NAA11: variants seen among roughly 807,000 people sequenced by gnomAD.
NAA11 encodes the protein N-alpha-acetyltransferase 11.
In NAA11, 15 loss-of-function variants were observed where a neutral mutation model predicts 16.1. The ratio of observed to expected loss-of-function variants is 0.93; its 90% CI spans 0.62 to 1.44. The LOEUF is 1.44. Among genes scored for constraint, NAA11 ranks in the 40% most tolerant of loss-of-function variants. The pLI is 0.00. For synonymous variants in NAA11, 122 were observed against 112.4 expected, an observed-to-expected ratio of 1.09 and a Z score of -0.54; for missense variants, 298 against 291.3, an observed-to-expected ratio of 1.02 and a Z score of -0.17.
At chr4:79,282,407 T>C (rs1361692099) in intron 2 of NAA11, among the ~76,000 whole-genome samples, 2 of 152,044 alleles carry the variant, frequency 1.3e-5, no homozygotes, top group Non-Finnish European at 2.9e-5. Flanking sequence ...AGCCAAGCAC[T>C]ATATTAGGAG....
At chr4:79,311,861 A>G (rs1427768846), downstream of NAA11, among the ~76,000 whole-genome samples, 2 of 152,254 alleles carry the variant, frequency 1.3e-5, no homozygotes, top group Non-Finnish European at 2.9e-5. Context: ...TGAAAAATAT[A>G]TATTAGATTA....
the NAA11 span, among the ~76,000 whole-genome samples, chr4:79,157,561 ATATG>A: frequency 1.2e-4 from 18 of 151,844 alleles, no homozygotes; most frequent in Non-Finnish European, 1.8e-4. Flanking sequence ...ACACATATGT[ATATG>A]TATGTATATA....
At chr4:79,177,883 C>T in the NAA11 span, among the ~76,000 whole-genome samples, 1 of 151,954 alleles carries the variant, frequency 6.6e-6, no homozygotes, top group Non-Finnish European at 1.5e-5. Flanking sequence ...TGCTAATAAC[C>T]AGATAAAAAC....
the NAA11 span, among the ~76,000 whole-genome samples, chr4:79,174,139 G>T: frequency 1.3e-5 from 2 of 152,154 alleles, no homozygotes; most frequent in Non-Finnish European, 2.9e-5. Context: ...GAATAAATTT[G>T]TGGGAACCTC....
At chr4:79,173,328 G>A in the NAA11 span, among the ~76,000 whole-genome samples, 1 of 151,986 alleles carries the variant, frequency 6.6e-6, no homozygotes, top group African/African-American at 2.4e-5. Context: ...TAATAAAAGT[G>A]TTACATGGTG....
chr4:79,189,454 T>G, the NAA11 span, among the ~76,000 whole-genome samples: 1 of 152,158 alleles, frequency 6.6e-6, no homozygotes, highest in South Asian at 2.1e-4. Context: ...GGCTGGAACG[T>G]AAGGAGAAAG....
the NAA11 span, among the ~76,000 whole-genome samples, chr4:79,175,577 G>A: frequency 1.3e-5 from 2 of 151,842 alleles, no homozygotes; most frequent in Admixed American, 6.6e-5. Context: ...TGGTATAACA[G>A]GCTGTTCCTA....
In NAA11 at chr4:79,325,440, A is replaced by G; in HGVS notation, c.438T>C (p.Ala146=). 1 of 1,614,196 alleles carries G rather than the reference A, an allele frequency of 6.2e-7. No individual in the cohort carries two copies. Among genetic ancestry groups the G allele is most frequent in the Admixed American group, 1.7e-5 (1 of 60,026 alleles). ...KYYADGEDAY[A]MKRDLSQMAD... is the part of the protein sequence containing the mutation. ...CCATCTGCGAGAGATCCCGCTTCATAGCATAAGCATCTTCCCCATCTGCAT... is the reference window on the plus strand; with the variant it reads ...CCATCTGCGAGAGATCCCGCTTCATGGCATAAGCATCTTCCCCATCTGCAT... Residue 146 remains alanine, a synonymous_variant, in exon 1 of 2, where the codon GCT becomes GCC. Transcript: ENST00000286794.
Position 79,325,085 on chromosome 4 carries a change from G to T in NAA11, c.*12+91C>A, listed in dbSNP as rs796188848. The stretch of plus-strand genomic sequence containing the variant: ...TTTACCGTAAAATCTCGCAGGGCCA[G>T]AATGGGGTAAGACAGGATGGAATTG... On this transcript the variant is annotated intron_variant, in intron 1 of 1. Transcript: ENST00000286794. The T allele has an allele frequency of 7.5e-6, 9 of 1,200,812 alleles. No individual in the cohort carries two copies. In the African/African-American group the frequency reaches 1.4e-4, roughly 18 times the overall value. The allele number at this position is 1,200,812 out of a possible 1,614,324, so 74.4% of individuals were successfully genotyped here.
chr4:79,157,970 G>T, the NAA11 span, among the ~76,000 whole-genome samples: 1 of 146,684 alleles, frequency 6.8e-6, no homozygotes, highest in African/African-American at 2.6e-5. Context: ...GCGTGATCTC[G>T]GCTCATTGCA....
chr4:79,236,314 C>A (rs1310130893), intron 2 of NAA11, among the ~76,000 whole-genome samples: 1 of 151,644 alleles, frequency 6.6e-6, no homozygotes, highest in East Asian at 1.9e-4. Flanking sequence ...TTTTAAGTGT[C>A]AGAAAAATTT....
chr4:79,216,689 C>T, the NAA11 span, among the ~76,000 whole-genome samples: 4 of 152,168 alleles, frequency 2.6e-5, no homozygotes, highest in Admixed American at 2.6e-4. Context: ...ATATTGACAG[C>T]AAATAAAAAG....
At chr4:79,311,902 A>C (rs1388549513), downstream of NAA11, among the ~76,000 whole-genome samples, 2 of 152,244 alleles carry the variant, frequency 1.3e-5, no homozygotes, top group Non-Finnish European at 2.9e-5. Flanking sequence ...AGACATGAGT[A>C]ATTTTTAAGG....
At chr4:79,200,945 T>C in the NAA11 span, among the ~76,000 whole-genome samples, 1 of 151,656 alleles carries the variant, frequency 6.6e-6, no homozygotes, top group African/African-American at 2.4e-5. Context: ...TAATAAGCCA[T>C]ATATATTATA....
At chr4:79,192,539 C>T in the NAA11 span, among the ~76,000 whole-genome samples, 50 of 151,876 alleles carry the variant, frequency 3.3e-4, no homozygotes, top group African/African-American at 1.1e-3. Context: ...TCATCCATGT[C>T]CCTACAAAGG....
chr4:79,175,216 T>C, the NAA11 span, among the ~76,000 whole-genome samples: 2 of 152,192 alleles, frequency 1.3e-5, no homozygotes, highest in African/African-American at 2.4e-5. Flanking sequence ...AAGTACCTTT[T>C]GGCATCAGAT....
the NAA11 span, among the ~76,000 whole-genome samples, chr4:79,190,308 A>G: frequency 2.9e-3 from 435 of 152,350 alleles, 1 homozygote; most frequent in African/African-American, 9.7e-3. Flanking sequence ...ATTTTAAAAT[A>G]AACTTAATTT....
chr4:79,251,836 A>G lies in NAA11; in HGVS notation c.*123-25566T>C, dbSNP rs374117213. Among the ~76,000 whole-genome samples the G allele has an allele frequency of 5.6e-4, 85 of 152,320 alleles. No homozygotes were observed. In the East Asian group the frequency reaches 0.013, roughly 24 times the overall value. On this transcript the variant is annotated intron_variant and NMD_transcript_variant, in intron 2 of 2. Coordinates refer to the NAA11 transcript ENST00000511542. ...TCAAAAAAAGAGAAACCTTATTAGC[A>G]TATTTATCCCTATGCTTTCATTTTA...
chr4:79,197,946 G>A, the NAA11 span, among the ~76,000 whole-genome samples: 1 of 150,892 alleles, frequency 6.6e-6, no homozygotes, highest in African/African-American at 2.4e-5. Context: ...GATAGGAAAG[G>A]TTATGCGAGG....
Sources: gnomAD v4.1 joint callset for allele counts (sites outside exome capture counted in the v4.1 genomes callset) on GRCh38, gnomAD v4.1.1 for gene constraint, MANE v1.5 for transcripts, NCBI Gene and HGNC (gene_info 2026-07-23, HGNC 2026-07-21) for gene names.